The following ANKRD11 variants were observed in gnomAD, a reference collection of about 807,000 sequenced individuals.
ANKRD11 encodes ankyrin repeat domain-containing protein 11.
A neutral mutation model predicts 195.7 loss-of-function variants in ANKRD11; 17 were observed. That is an observed-to-expected ratio of 0.09 (90% CI 0.06 to 0.13). The LOEUF (loss-of-function observed/expected upper bound fraction) is 0.13. Ranked by LOEUF, ANKRD11 falls within the 10% of genes least tolerant of loss-of-function variation. The pLI is 1.00. For missense variants in ANKRD11, 3,735 were observed against 3,566.1 expected (o/e 1.05, Z -1.21); for synonymous variants, 1,953 against 1,528.1 (o/e 1.28, Z -6.49).
chr16:89,475,898 A>T (rs944601562), intron 1 of ANKRD11, among the ~76,000 whole-genome samples: 2 of 152,030 alleles, frequency 1.3e-5, no homozygotes, highest in African/African-American at 4.8e-5. Context: ...AAAAAAATTT[A>T]AAAATTAACC....
At chr16:89,353,432 C>T (rs1281348098) in intron 2 of ANKRD11, among the ~76,000 whole-genome samples, 1 of 152,042 alleles carries the variant, frequency 6.6e-6, no homozygotes, top group Admixed American at 6.6e-5. Context: ...GCTGGAAATA[C>T]CAGCAGTAAG....
At chr16:89,438,841 T>TA (rs903888300) in intron 1 of ANKRD11, among the ~76,000 whole-genome samples, 18 of 151,964 alleles carry the variant, frequency 1.2e-4, no homozygotes, top group Non-Finnish European at 2.4e-4. Flanking sequence ...CGCATCTCTA[T>TA]AAAAAATTTT....
chr16:89,404,081 CA>C, intron 2 of ANKRD11, among the ~76,000 whole-genome samples: 1 of 152,232 alleles, frequency 6.6e-6, no homozygotes, highest in Non-Finnish European at 1.5e-5. Flanking sequence ...GCAAACGCTG[CA>C]TCACATAAGC....
intron 1 of ANKRD11, among the ~76,000 whole-genome samples, chr16:89,456,477 G>A (rs561968218): frequency 1.6e-4 from 25 of 151,980 alleles, no homozygotes; most frequent in Non-Finnish European, 2.6e-4. Flanking sequence ...GAACCCGGGA[G>A]GCGGAGGTTG....
intron 1 of ANKRD11, among the ~76,000 whole-genome samples, chr16:89,425,394 CTTACAATGTAA>C (rs927874517): frequency 5.9e-5 from 9 of 152,278 alleles, no homozygotes; most frequent in African/African-American, 2.2e-4. Context: ...GCTTAAAAAT[CTTACAATGTAA>C]CTTTAGAGGA....
At chr16:89,386,345 C>T (rs149422557) in intron 2 of ANKRD11, among the ~76,000 whole-genome samples, 72 of 152,222 alleles carry the variant, frequency 4.7e-4, no homozygotes, top group African/African-American at 1.7e-3. Flanking sequence ...GCAGCACGAC[C>T]AATTCCCAAC....
intron 2 of ANKRD11, among the ~76,000 whole-genome samples, chr16:89,330,682 C>G (rs371849555): frequency 5.5e-3 from 112 of 20,284 alleles, no homozygotes; most frequent in Middle Eastern, 0.056. Flanking sequence ...GGGGCGGGGG[C>G]GGAGGAAGCT....
intron 1 of ANKRD11, among the ~76,000 whole-genome samples, chr16:89,476,808 A>T (rs768210491): frequency 1.3e-5 from 2 of 151,090 alleles, no homozygotes; most frequent in African/African-American, 4.9e-5. Flanking sequence ...GTTCTCTCAG[A>T]GGCATGATGA....
intron 3 of ANKRD11, 47 bp downstream of exon 3, chr16:89,316,886 C>A: frequency 1.3e-6 from 2 of 1,593,422 alleles, no homozygotes; most frequent in East Asian, 2.3e-5. Flanking sequence ...CACCTCATCC[C>A]CATCTGGGTG....
intron 2 of ANKRD11, among the ~76,000 whole-genome samples, chr16:89,339,145 C>A (rs1346964527): frequency 6.6e-6 from 1 of 152,234 alleles, no homozygotes. Flanking sequence ...AGGACACCAA[C>A]ACCAGAATCC....
chr16:89,323,748 TCTCTCCTTCCTCCTC>T, intron 2 of ANKRD11: 1 of 258,590 alleles, frequency 3.9e-6, no homozygotes, highest in Admixed American at 5.3e-5. Flanking sequence ...AGTCCAACTC[TCTCTCCTTCCTCCTC>T]AGGGCCGCAC....
intron 2 of ANKRD11, among the ~76,000 whole-genome samples, chr16:89,329,178 G>A (rs182365092): frequency 8.6e-4 from 131 of 152,328 alleles, no homozygotes; most frequent in African/African-American, 3.0e-3. Flanking sequence ...GGAAACAGGC[G>A]GGGACTCCGT....
At chr16:89,310,954 GTTTC>G (rs375821960) in intron 3 of ANKRD11, among the ~76,000 whole-genome samples, 1,565 of 152,314 alleles carry the variant, frequency 0.01, 30 homozygotes, top group African/African-American at 0.036. Flanking sequence ...GATGGCCAGT[GTTTC>G]TTTGTCTGTT....
intron 3 of ANKRD11, among the ~76,000 whole-genome samples, chr16:89,312,087 G>A (rs56759385): frequency 1.1e-3 from 160 of 152,258 alleles, no homozygotes; most frequent in African/African-American, 3.7e-3. Context: ...TAGTAGAGAT[G>A]GGGTTTTGCC....
At position 89,282,627 on chromosome 16, in the gene ANKRD11, AGAG is replaced by A; in HGVS notation, c.3912_3914del (p.Ser1305del). ...CCTGCCCTCGGTCCGTGAAGCTGTC[AGAG>A]GAGACCTCGCTGATTTTATCGTTGG... On this transcript the variant is annotated inframe_deletion, in exon 9 of 13. Coordinates refer to ENST00000301030, the MANE Select transcript of ANKRD11 (RefSeq NM_013275.6). 1 of 1,614,026 alleles carries A rather than the reference AGAG, an allele frequency of 6.2e-7. No homozygotes were observed. The highest frequency in any genetic ancestry group is 8.5e-7 in the Non-Finnish European group (1 of 1,179,994).
At chr16:89,366,335 G>A (rs893331063) in intron 2 of ANKRD11, among the ~76,000 whole-genome samples, 4 of 152,042 alleles carry the variant, frequency 2.6e-5, no homozygotes, top group Admixed American at 6.5e-5. Flanking sequence ...ATTCCTCTGG[G>A]TATATACCCA....
chr16:89,384,748 T>A (rs923520752), intron 2 of ANKRD11, among the ~76,000 whole-genome samples: 5 of 152,090 alleles, frequency 3.3e-5, no homozygotes, highest in African/African-American at 9.7e-5. Context: ...CTTACTGTAT[T>A]TTTGGCAACC....
chr16:89,305,102 C>T (rs562744606), intron 4 of ANKRD11, 104 bp downstream of exon 4: 24 of 1,513,712 alleles, frequency 1.6e-5, no homozygotes, highest in East Asian at 1.4e-4. Context: ...TGCTAGAGTG[C>T]GTCCCAGTGC....
rs1331284629 is a variant in ANKRD11 at position 89,281,916 on chromosome 16, C to T, written c.4626G>A (p.Lys1542=). 1.9e-6 allele frequency: 3 copies of T among 1,613,386 alleles called. No individual in the cohort carries two copies. The highest frequency in any genetic ancestry group is 2.2e-5 in the South Asian group (2 of 91,076). Residue 1542 remains lysine (K), a synonymous_variant, in exon 9 of 13, where the codon AAG becomes AAA. Coordinates refer to ENST00000301030, the MANE Select transcript of ANKRD11 (RefSeq NM_013275.6). This position sits in a 1 kb window ranked among gnomAD's most constrained non-coding sequence, Gnocchi z 5.5. The stretch of plus-strand genomic sequence containing the variant: ...CGTTGCTCATCTTCACTGGGTCGCC[C>T]TTTTCTTTCTCTGCACCGTCCTTGA... The part of the protein sequence containing the change: ...EKFKDGAEKE[K]GDPVKMSNGN...
Sources: gnomAD v4.1 joint callset for allele counts (sites outside exome capture counted in the v4.1 genomes callset) on GRCh38, gnomAD v4.1.1 for gene constraint, Gnocchi (gnomAD v3.1) non-coding constraint, MANE v1.5 for transcripts, NCBI Gene and HGNC (gene_info 2026-07-23, HGNC 2026-07-21) for gene names.